The following MCTP2 variants were observed in gnomAD, a reference collection of about 807,000 sequenced individuals.
MCTP2 encodes the protein multiple C2 and transmembrane domain containing 2, also known as multiple C2 and transmembrane domain-containing protein 2.
Under a neutral mutation model 111.6 loss-of-function variants are expected in MCTP2, and 132 were observed. The observed-to-expected ratio is 1.18, with a 90% CI of 1.03 to 1.37. MCTP2 has a LOEUF of 1.37. Ranked by LOEUF, MCTP2 falls within the 40% of genes most tolerant of loss-of-function variation. MCTP2 has a pLI of 0.00. For synonymous variants in MCTP2, 395 were observed against 387.7 expected (o/e 1.02, Z -0.22); for missense variants, 1,183 against 1,067.9 (o/e 1.11, Z -1.50).
intron 21 of MCTP2, among the ~76,000 whole-genome samples, chr15:94,473,233 G>C (rs1363786506): frequency 6.6e-6 from 1 of 152,082 alleles, no homozygotes; most frequent in Non-Finnish European, 1.5e-5. Flanking sequence ...ATTTTGACAG[G>C]TGAGATGCTT....
chr15:94,376,315 G>C (rs2079770659), intron 12 of MCTP2, among the ~76,000 whole-genome samples: 1 of 152,134 alleles, frequency 6.6e-6, no homozygotes, highest in African/African-American at 2.4e-5. Context: ...CCAGTGTCCA[G>C]TTCAATGATT....
intron 17 of MCTP2, among the ~76,000 whole-genome samples, chr15:94,428,514 A>AG (rs957182809): frequency 3.9e-5 from 6 of 152,042 alleles, no homozygotes; most frequent in African/African-American, 9.7e-5. Context: ...TTTTAGGGGA[A>AG]GGGGGGCTTC....
chr15:94,250,669 C>G (rs2072351855), intron 1 of MCTP2, among the ~76,000 whole-genome samples: 1 of 152,136 alleles, frequency 6.6e-6, no homozygotes, highest in South Asian at 2.1e-4. Context: ...ATGACATGAG[C>G]TGTGCAAGGT....
Position 94,479,854 on chromosome 15 carries a change from A to G in MCTP2, c.*820A>G, listed in dbSNP as rs1239376849. 1.3e-5 allele frequency: 2 copies of G among 152,190 alleles called. No individual in the cohort carries two copies. Among genetic ancestry groups the G allele is most frequent in the Non-Finnish European group, 2.9e-5 (2 of 68,036 alleles). The allele number at this position is 152,190 out of a possible 1,614,324, so 9.4% of individuals were successfully genotyped here. ...AAAGGCAGGTGGGGGTAGGGGAGAA[A>G]TGAATGAATAAATTCTCTAGGTATT... On this transcript the variant is annotated 3_prime_UTR_variant, in exon 23 of 23. Transcript: ENST00000357742.
intron 4 of MCTP2, 33 bp downstream of exon 4, chr15:94,315,670 C>T: frequency 6.9e-7 from 1 of 1,458,330 alleles, no homozygotes; most frequent in Non-Finnish European, 9.6e-7. Flanking sequence ...TGGGTGTAGC[C>T]TGGAAACTTC....
At position 94,385,535 on chromosome 15, in the gene MCTP2, C is replaced by T. The variant is rs763692382; in HGVS notation, c.1788+10C>T. ...CATTCCCTTGCTGTCCGTAAGTTTCCTTTATTAATAAACAATTTGTGAGTC... is the reference window on the plus strand; with the variant it reads ...CATTCCCTTGCTGTCCGTAAGTTTCTTTTATTAATAAACAATTTGTGAGTC... On this transcript the variant is annotated intron_variant, in intron 14 of 22. Transcript: ENST00000357742. 6.4e-7 allele frequency: 1 copy of T among 1,569,432 alleles called. No individual in the cohort carries two copies. The highest frequency in any genetic ancestry group is 8.8e-7 in the Non-Finnish European group (1 of 1,139,996).
intron 17 of MCTP2, among the ~76,000 whole-genome samples, chr15:94,423,478 A>C (rs1316194207): frequency 6.6e-6 from 1 of 152,184 alleles, no homozygotes. Context: ...ACAACAGAAC[A>C]GTTAAGAGCA....
chr15:94,334,675 A>G (rs2077273273), intron 4 of MCTP2, among the ~76,000 whole-genome samples: 1 of 152,082 alleles, frequency 6.6e-6, no homozygotes, highest in South Asian at 2.1e-4. Context: ...AGCTGGGACC[A>G]CAGGCACATG....
In MCTP2 at chr15:94,298,235, G is replaced by A. The variant is rs767303494; in HGVS notation, c.-31G>A. 1 of 1,544,674 alleles carries A rather than the reference G, an allele frequency of 6.5e-7. No individual in the cohort carries two copies. ...CAGTTTTCAGTAGAGGTGTACTTCT[G>A]AGAAGTGGCTTCTTGGGTCTTCATG... is the stretch of plus-strand genomic sequence containing the variant. On this transcript the variant is annotated 5_prime_UTR_variant, in exon 2 of 23. Coordinates refer to ENST00000357742, the MANE Select transcript of MCTP2 (RefSeq NM_001385001.1).
chr15:94,384,773 G>A (rs1433242078), intron 13 of MCTP2, among the ~76,000 whole-genome samples: 3 of 152,194 alleles, frequency 2.0e-5, no homozygotes, highest in African/African-American at 7.2e-5. Flanking sequence ...TTTGAGTAGA[G>A]TTAATGCTAT....
intron 1 of MCTP2, among the ~76,000 whole-genome samples, chr15:94,240,709 G>C (rs2070884900): frequency 6.6e-6 from 1 of 152,132 alleles, no homozygotes; most frequent in Admixed American, 6.6e-5. Context: ...ATGAAGCTGG[G>C]TAATCTGGAA....
At chr15:94,276,288 A>G (rs1443448987) in intron 1 of MCTP2, among the ~76,000 whole-genome samples, 2 of 152,220 alleles carry the variant, frequency 1.3e-5, no homozygotes, top group Non-Finnish European at 2.9e-5. Flanking sequence ...TTATGTTGGT[A>G]TGTTTACAGT....
intron 19 of MCTP2, among the ~76,000 whole-genome samples, chr15:94,452,057 C>A (rs1352333022): frequency 2.8e-4 from 43 of 152,232 alleles, no homozygotes; most frequent in Admixed American, 5.2e-4. Context: ...AAAGAACTTG[C>A]CATGATCACC....
At chr15:94,236,482 A>T (rs745940563) in intron 1 of MCTP2, among the ~76,000 whole-genome samples, 6 of 138,576 alleles carry the variant, frequency 4.3e-5, no homozygotes, top group African/African-American at 8.1e-5. Flanking sequence ...GCGAGTGCGT[A>T]GAGTGATGGT....
At chr15:94,463,568 A>G (rs1052930858) in intron 20 of MCTP2, among the ~76,000 whole-genome samples, 1 of 152,066 alleles carries the variant, frequency 6.6e-6, no homozygotes. Context: ...GCCCTTACAC[A>G]TTTCATTTTC....
chr15:94,377,615 T>C (rs2079848156), intron 12 of MCTP2, among the ~76,000 whole-genome samples: 1 of 152,198 alleles, frequency 6.6e-6, no homozygotes, highest in Admixed American at 6.5e-5. Context: ...ATTTAGCAAA[T>C]ATACCTTTTC....
chr15:94,442,480 A>G (rs2083837351), intron 18 of MCTP2, among the ~76,000 whole-genome samples: 1 of 152,194 alleles, frequency 6.6e-6, no homozygotes, highest in African/African-American at 2.4e-5. Context: ...TTATATTCAG[A>G]CTAATGCATT....
At chr15:94,322,122 T>G (rs990284943) in intron 4 of MCTP2, among the ~76,000 whole-genome samples, 1 of 152,230 alleles carries the variant, frequency 6.6e-6, no homozygotes, top group Non-Finnish European at 1.5e-5. Flanking sequence ...ACCTGTATTT[T>G]ATTTTCCTAT....
intron 1 of MCTP2, among the ~76,000 whole-genome samples, chr15:94,243,343 GTACA>G (rs1259115177): frequency 3.0e-4 from 41 of 135,648 alleles, no homozygotes; most frequent in African/African-American, 4.6e-4. Flanking sequence ...ATATGCGTAT[GTACA>G]TACATACGTA....
Sources: allele counts gnomAD v4.1 joint callset (sites outside exome capture counted in the v4.1 genomes callset), GRCh38; gene constraint gnomAD v4.1.1; transcripts MANE v1.5; gene names NCBI Gene and HGNC (gene_info 2026-07-23, HGNC 2026-07-21).